Variants in UTRN observed in about 807,000 individuals in gnomAD.
The protein encoded by UTRN is dystrophin-related protein 1.
A neutral mutation model predicts 463.9 loss-of-function variants in UTRN; 283 were observed. That is an observed-to-expected ratio of 0.61 (90% CI 0.55 to 0.67). The LOEUF (loss-of-function observed/expected upper bound fraction) is 0.67. Among genes scored for constraint, UTRN ranks in the 30% least tolerant of loss-of-function variants. UTRN has a pLI of 0.00. For synonymous variants in UTRN, 1,442 were observed against 1,431.5 expected, an observed-to-expected ratio of 1.01 and a Z score of -0.17; for missense variants, 3,922 against 4,084.3, an observed-to-expected ratio of 0.96 and a Z score of 1.08.
intron 53 of UTRN, among the ~76,000 whole-genome samples, chr6:144,717,627 CTTTTTTCTTTTT>C (rs1439939698): frequency 3.5e-4 from 39 of 112,626 alleles, no homozygotes; most frequent in Middle Eastern, 4.9e-3. Context: ...TTTTTCTTTT[CTTTTTTCTTTTT>C]TTTTTTTTTT....
intron 73 of UTRN, among the ~76,000 whole-genome samples, chr6:144,843,241 G>A (rs550555998): frequency 3.0e-4 from 46 of 152,098 alleles, no homozygotes; most frequent in African/African-American, 9.2e-4. Flanking sequence ...TCAGTTGGCA[G>A]TGACAGCCAG....
At chr6:144,578,202 A>C (rs890536457) in intron 51 of UTRN, among the ~76,000 whole-genome samples, 1 of 152,048 alleles carries the variant, frequency 6.6e-6, no homozygotes, top group Non-Finnish European at 1.5e-5. Flanking sequence ...GACTCTGTCC[A>C]CTCCCAAAGA....
chr6:144,303,326 T>C (rs1348994866), intron 2 of UTRN, among the ~76,000 whole-genome samples: 1 of 152,218 alleles, frequency 6.6e-6, no homozygotes, highest in Non-Finnish European at 1.5e-5. Flanking sequence ...AATTTCACCT[T>C]TGTGGGACTT....
chr6:144,400,118 CAAAATGGTTTTCA>C (rs982079255), intron 2 of UTRN, among the ~76,000 whole-genome samples: 1 of 152,094 alleles, frequency 6.6e-6, no homozygotes, highest in African/African-American at 2.4e-5. Flanking sequence ...CTTTTAGAAA[CAAAATGGTTTTCA>C]AAAATCCAAG....
At chr6:144,708,147 G>T in intron 53 of UTRN, 1 of 449,388 alleles carries the variant, frequency 2.2e-6, no homozygotes. Flanking sequence ...ATCAGTGTCT[G>T]ATCATTTGAT....
intron 51 of UTRN, among the ~76,000 whole-genome samples, chr6:144,666,811 T>A (rs1325352595): frequency 6.6e-6 from 1 of 152,202 alleles, no homozygotes; most frequent in African/African-American, 2.4e-5. Context: ...TTTGTGGAAC[T>A]GCTTATCATC....
chr6:144,518,364 T>C (rs1015618544), intron 39 of UTRN, among the ~76,000 whole-genome samples: 1 of 152,228 alleles, frequency 6.6e-6, no homozygotes, highest in African/African-American at 2.4e-5. Context: ...ATACAAAGTC[T>C]TCAGTCTGAC....
At chr6:144,728,604 A>G (rs1454793254) in intron 53 of UTRN, among the ~76,000 whole-genome samples, 1 of 143,464 alleles carries the variant, frequency 7.0e-6, no homozygotes, top group African/African-American at 2.6e-5. Flanking sequence ...TTTAATGCTC[A>G]TCAGTGATAA....
chr6:144,559,219 G>A (rs76201398), intron 50 of UTRN, among the ~76,000 whole-genome samples: 2,338 of 151,870 alleles, frequency 0.015, 62 homozygotes, highest in African/African-American at 0.053. Flanking sequence ...GTGATTTTTC[G>A]TTTATCATAG....
rs905209773 is a variant in UTRN, at chr6:144,438,406, A to T, written c.1242-339A>T. Among the ~76,000 whole-genome samples the T allele has an allele frequency of 3.3e-5, 5 of 152,160 alleles. 1 individual carries two copies. Among genetic ancestry groups the T allele is most frequent in the Non-Finnish European group, 7.4e-5 (5 of 68,024 alleles). ...GTGACTTTTATTTTAAAGCTTTCTC[A>T]TGGTTTATTTTATTTCATGTATTGT... is the stretch of plus-strand genomic sequence containing the variant. On this transcript the variant is annotated intron_variant, in intron 11 of 74. Coordinates refer to ENST00000367545, the MANE Select transcript of UTRN (RefSeq NM_007124.3).
intron 51 of UTRN, among the ~76,000 whole-genome samples, chr6:144,649,695 A>G (rs940724869): frequency 6.6e-6 from 1 of 152,150 alleles, no homozygotes; most frequent in African/African-American, 2.4e-5. Context: ...AGTGTTTTCG[A>G]TGGAGCATAA....
intron 51 of UTRN, among the ~76,000 whole-genome samples, chr6:144,636,149 A>T (rs1777149618): frequency 6.6e-6 from 1 of 152,122 alleles, no homozygotes. Context: ...GATTTGTTTC[A>T]TACTTTCTTA....
chr6:144,553,360 C>A (rs1404152723), intron 48 of UTRN, among the ~76,000 whole-genome samples: 3 of 152,098 alleles, frequency 2.0e-5, no homozygotes, highest in African/African-American at 7.2e-5. Context: ...TTATGTTTCA[C>A]TATAACCATA....
At chr6:144,472,588 C>T (rs369317512) in intron 23 of UTRN, among the ~76,000 whole-genome samples, 5 of 152,108 alleles carry the variant, frequency 3.3e-5, no homozygotes, top group African/African-American at 9.6e-5. Flanking sequence ...GTTTCCAGAG[C>T]GTGTTGATCA....
intron 2 of UTRN, among the ~76,000 whole-genome samples, chr6:144,379,454 G>C (rs1189603716): frequency 6.6e-6 from 1 of 152,148 alleles, no homozygotes; most frequent in Admixed American, 6.5e-5. Context: ...TCAGTTCCCT[G>C]CTGGTTCTCG....
intron 2 of UTRN, among the ~76,000 whole-genome samples, chr6:144,301,886 C>T (rs1232544588): frequency 6.6e-6 from 1 of 152,056 alleles, no homozygotes; most frequent in Non-Finnish European, 1.5e-5. Flanking sequence ...CCCCAAAAAC[C>T]ACCATGAAGG....
chr6:144,477,906 T>C (rs1791417153), intron 25 of UTRN, among the ~76,000 whole-genome samples: 1 of 151,890 alleles, frequency 6.6e-6, no homozygotes, highest in Non-Finnish European at 1.5e-5. Flanking sequence ...TATCTATCTA[T>C]CTATCCATCC....
At chr6:144,323,338 T>G (rs551340811) in intron 2 of UTRN, among the ~76,000 whole-genome samples, 6 of 152,318 alleles carry the variant, frequency 3.9e-5, no homozygotes, top group African/African-American at 1.4e-4. Context: ...TCCAACATCA[T>G]TCATCTCCAT....
At chr6:144,498,607 A>G (rs1430787883) in intron 33 of UTRN, among the ~76,000 whole-genome samples, 1 of 151,992 alleles carries the variant, frequency 6.6e-6, no homozygotes. Context: ...TGATTTTTCA[A>G]CTTTATTTCT....
Sources: allele counts gnomAD v4.1 joint callset (sites outside exome capture counted in the v4.1 genomes callset), GRCh38; gene constraint gnomAD v4.1.1; transcripts MANE v1.5; gene names NCBI Gene and HGNC (gene_info 2026-07-23, HGNC 2026-07-21).